The following EPB41L3 variants were observed in gnomAD, a reference collection of about 807,000 sequenced individuals.
EPB41L3 encodes erythrocyte membrane protein band 4.1 like 3.
Under a neutral mutation model 127.1 loss-of-function variants are expected in EPB41L3, and 57 were observed. That is an observed-to-expected ratio of 0.45 (90% confidence interval 0.36 to 0.56). The LOEUF (loss-of-function observed/expected upper bound fraction) is 0.56, where lower values mean the gene tolerates loss of function less well. Among genes scored for constraint, EPB41L3 ranks in the 20% least tolerant of loss-of-function variants. The pLI is 0.00. For missense variants in EPB41L3, 1,273 were observed against 1,372.2 expected, an observed-to-expected ratio of 0.93 and a Z score of 1.14; for synonymous variants, 572 against 549.5, an observed-to-expected ratio of 1.04 and a Z score of -0.57.
At chr18:5,522,927 TA>T (rs758495798) in intron 1 of EPB41L3, among the ~76,000 whole-genome samples, 15 of 152,334 alleles carry the variant, frequency 9.8e-5, no homozygotes, top group Middle Eastern at 6.8e-3. Flanking sequence ...CTTTTATTGC[TA>T]AAATTTTTTT....
intron 1 of EPB41L3, among the ~76,000 whole-genome samples, chr18:5,542,420 T>A (rs191094804): frequency 6.6e-6 from 1 of 152,254 alleles, no homozygotes; most frequent in East Asian, 1.9e-4. Flanking sequence ...CAAGACAAAC[T>A]CCAGCACACC....
At chr18:5,484,085 T>TCAAAAAAAAAAAAAA (rs2089159927) in intron 2 of EPB41L3, among the ~76,000 whole-genome samples, 1 of 3,836 alleles carries the variant, frequency 2.6e-4, no homozygotes, top group Non-Finnish European at 5.2e-4. Flanking sequence ...CCAAACAAAC[T>TCAAAAAAAAAAAAAA]CAAAAAAAAA....
At chr18:5,585,435 C>G (rs2094433838) in intron 3 of EPB41L3, among the ~76,000 whole-genome samples, 1 of 152,100 alleles carries the variant, frequency 6.6e-6, no homozygotes, top group African/African-American at 2.4e-5. Flanking sequence ...TCCGGAGTAG[C>G]TGAGACTACA....
At chr18:5,622,977 T>TTTTA in intron 1 of EPB41L3, among the ~76,000 whole-genome samples, 1 of 149,618 alleles carries the variant, frequency 6.7e-6, no homozygotes, top group Non-Finnish European at 1.5e-5. Flanking sequence ...TTTTTTTTTT[T>TTTTA]AGCTATCAGA....
chr18:5,478,180 T>G, intron 3 of EPB41L3, 61 bp downstream of exon 3: 1 of 1,482,040 alleles, frequency 6.7e-7, no homozygotes, highest in Non-Finnish European at 9.3e-7. Context: ...TTGTATATTT[T>G]ATACCAACAT....
chr18:5,565,622 C>T (rs9946872), intron 3 of EPB41L3, among the ~76,000 whole-genome samples: 38,575 of 111,928 alleles, frequency 0.34, 7,412 homozygotes, highest in Non-Finnish European at 0.41. Flanking sequence ...TCCCCCCTCC[C>T]CCCACCCCAC....
rs573195828 is a variant in EPB41L3, at chr18:5,561,056, C to T, written c.-306+51284G>A. ...GCAGTGGCGCGATCGCGGCTCACTG[C>T]AAGCTCCGCCTCCCAGGTTCACGCC... On this transcript the variant is annotated intron_variant, in intron 3 of 21. Transcript: ENST00000545076. Among the ~76,000 whole-genome samples the T allele has an allele frequency of 5.2e-4, 77 of 147,576 alleles. 3 individuals carry two copies. The highest frequency in any genetic ancestry group is 1.6e-3 in the East Asian group (8 of 4,954).
intron 1 of EPB41L3, among the ~76,000 whole-genome samples, chr18:5,527,908 G>C (rs1252212102): frequency 1.3e-5 from 2 of 152,132 alleles, no homozygotes; most frequent in Non-Finnish European, 2.9e-5. Context: ...GAATACTACA[G>C]ATATCAACAT....
intron 1 of EPB41L3, among the ~76,000 whole-genome samples, chr18:5,523,536 C>A (rs527559508): frequency 6.6e-6 from 1 of 152,202 alleles, no homozygotes; most frequent in Admixed American, 6.5e-5. Flanking sequence ...TGGTGGCTCA[C>A]GCCTGTTATC....
intron 1 of EPB41L3, among the ~76,000 whole-genome samples, chr18:5,542,915 T>C (rs1430403838): frequency 6.6e-6 from 1 of 152,148 alleles, no homozygotes; most frequent in Admixed American, 6.5e-5. Context: ...AGCAAGCCCC[T>C]GCGGCAGCAG....
intron 2 of EPB41L3, among the ~76,000 whole-genome samples, chr18:5,485,065 G>C (rs944013630): frequency 5.9e-5 from 9 of 152,088 alleles, no homozygotes; most frequent in African/African-American, 2.2e-4. Flanking sequence ...TATCACTGAT[G>C]AACATTAATG....
intron 2 of EPB41L3, chr18:5,479,696 A>G (rs2088017921): frequency 6.6e-6 from 1 of 152,178 alleles, no homozygotes; most frequent in Non-Finnish European, 1.5e-5. Flanking sequence ...TATGAAAAGA[A>G]AGCAACAAAA....
At chr18:5,468,836 A>G (rs1431556699) in intron 3 of EPB41L3, among the ~76,000 whole-genome samples, 3 of 152,190 alleles carry the variant, frequency 2.0e-5, no homozygotes, top group African/African-American at 7.2e-5. Flanking sequence ...GAATCGCTTG[A>G]ACCTGGGAGG....
chr18:5,586,610 C>T (rs2094444747), intron 3 of EPB41L3, among the ~76,000 whole-genome samples: 1 of 146,518 alleles, frequency 6.8e-6, no homozygotes, highest in African/African-American at 2.5e-5. Flanking sequence ...CTATGTTGCC[C>T]AGGCTGGTCT....
chr18:5,393,408 G>A lies in EPB41L3; in HGVS notation c.*77C>T. On this transcript the variant is annotated 3_prime_UTR_variant, in exon 23 of 23. Transcript: ENST00000341928. ...GATACAAGTCAGTTGGGTTAGAAGA[G>A]GGAACTCCATATAGGCTCTGGTTTT... is the stretch of plus-strand genomic sequence containing the variant. 1.4e-6 allele frequency: 1 copy of A among 689,670 alleles called. No individual in the cohort carries two copies. The highest frequency in any genetic ancestry group is 1.8e-5 in the African/African-American group (1 of 56,538). The allele number at this position is 689,670 out of a possible 1,614,324, so 42.7% of individuals were successfully genotyped here.
At chr18:5,536,806 G>C (rs957711759) in intron 1 of EPB41L3, among the ~76,000 whole-genome samples, 3 of 152,054 alleles carry the variant, frequency 2.0e-5, no homozygotes, top group African/African-American at 7.2e-5. Context: ...ACTCCAGCCT[G>C]GGCAACAGAG....
intron 1 of EPB41L3, among the ~76,000 whole-genome samples, chr18:5,507,652 A>G (rs116971154): frequency 3.5e-4 from 53 of 152,340 alleles, no homozygotes; most frequent in African/African-American, 1.3e-3. Flanking sequence ...CATTGGAGAC[A>G]TTCAATAAAT....
rs764952165 is a variant in EPB41L3, at chr18:5,397,280, C to T, written c.2619G>A (p.Ser873=). 2.4e-5 allele frequency: 39 copies of T among 1,613,848 alleles called. No homozygotes were observed. Among genetic ancestry groups the T allele is most frequent in the Non-Finnish European group, 3.0e-5 (35 of 1,180,028 alleles). ...CTGCAGCATCCCCGCTGTCTCCCGC[C>T]GAGTAAGAAGCATCCCCACTCGCGT... ...VVHASGDASY[S]AGDSGDAAAQ... is the part of the protein sequence containing the mutation. Residue 873 remains serine (S), a synonymous_variant, in exon 18 of 23, where the codon TCG becomes TCA. Transcript: ENST00000341928. The surrounding 1 kb of genome is among the most constrained non-coding windows in gnomAD (Gnocchi z 4.1).
Position 5,416,231 on chromosome 18 carries a change from CAGGCAGG to C in EPB41L3, c.1647_1653del (p.His549GlnfsTer16). 6.2e-7 allele frequency: 1 copy of C among 1,614,138 alleles called. No individual in the cohort carries two copies. Among genetic ancestry groups the C allele is most frequent in the Non-Finnish European group, 8.5e-7 (1 of 1,180,028 alleles). ...CCATCAGAGTCCAAGGCGGGCTCTC[CAGGCAGG>C]TGCTCAGCTCTGGACGGCTCATAAC... On this transcript the variant is annotated frameshift_variant, in exon 13 of 23. Transcript: ENST00000341928. LOFTEE classifies it high-confidence loss of function.
Sources: allele counts gnomAD v4.1 joint callset (sites outside exome capture counted in the v4.1 genomes callset), GRCh38; gene constraint gnomAD v4.1.1; non-coding constraint Gnocchi (gnomAD v3.1); transcripts MANE v1.5; gene names NCBI Gene and HGNC (gene_info 2026-07-23, HGNC 2026-07-21).